The following TESK2 variants were observed in gnomAD, a reference collection of about 807,000 sequenced individuals.
TESK2 encodes dual specificity testis-specific protein kinase 2.
A neutral mutation model predicts 57.1 loss-of-function variants in TESK2; 39 were observed. The ratio of observed to expected loss-of-function variants is 0.68; its 90% CI spans 0.53 to 0.89. The LOEUF is 0.89. Among genes scored for constraint, TESK2 ranks in the 40% least tolerant of loss-of-function variants. The probability of loss-of-function intolerance (pLI) is 0.00; values close to 1 mark genes in which losing one functional copy is unlikely to be tolerated. For missense variants in TESK2, 646 were observed against 732.1 expected (o/e 0.88, Z 1.36); for synonymous variants, 249 against 267.9 (o/e 0.93, Z 0.69).
At chr1:45,471,732 G>A (rs1315483930) in intron 1 of TESK2, among the ~76,000 whole-genome samples, 4 of 151,818 alleles carry the variant, frequency 2.6e-5, no homozygotes, top group Non-Finnish European at 5.9e-5. Context: ...ACAGATAAGA[G>A]GGAAGGCTTA....
At chr1:45,445,539 C>A (rs1337982292) in intron 2 of TESK2, among the ~76,000 whole-genome samples, 2 of 149,800 alleles carry the variant, frequency 1.3e-5, no homozygotes. Flanking sequence ...GTAATCCCAA[C>A]ACTTTGGGAG....
intron 4 of TESK2, among the ~76,000 whole-genome samples, chr1:45,370,286 T>A (rs1172660155): frequency 3.3e-5 from 5 of 152,240 alleles, no homozygotes; most frequent in Non-Finnish European, 1.5e-5. Flanking sequence ...CTTTATTTAT[T>A]TATTTTTAAA....
At chr1:45,446,305 A>C (rs1396514061) in intron 2 of TESK2, among the ~76,000 whole-genome samples, 2 of 151,828 alleles carry the variant, frequency 1.3e-5, no homozygotes, top group African/African-American at 4.8e-5. Context: ...CAAAAAAGTC[A>C]AAAAAATTAG....
chr1:45,447,301 T>A (rs908109862), intron 2 of TESK2, among the ~76,000 whole-genome samples: 8 of 152,110 alleles, frequency 5.3e-5, no homozygotes, highest in African/African-American at 1.9e-4. Context: ...TTTACCAAGC[T>A]GTACAAAAAT....
intron 4 of TESK2, among the ~76,000 whole-genome samples, chr1:45,370,345 T>G (rs1432790908): frequency 1.3e-5 from 2 of 152,220 alleles, no homozygotes; most frequent in Non-Finnish European, 2.9e-5. Context: ...AGGAAATCAC[T>G]GAAGGTTTCT....
At chr1:45,453,654 A>G (rs1219104654) in intron 2 of TESK2, among the ~76,000 whole-genome samples, 1 of 152,226 alleles carries the variant, frequency 6.6e-6, no homozygotes, top group Non-Finnish European at 1.5e-5. Flanking sequence ...GGATTGACAC[A>G]AAAAGCAAAA....
chr1:45,393,980 T>A (rs992509053), intron 3 of TESK2, among the ~76,000 whole-genome samples: 1 of 152,166 alleles, frequency 6.6e-6, no homozygotes, highest in Admixed American at 6.6e-5. Flanking sequence ...TTCTGAATGA[T>A]TTTTATTCCC....
In TESK2 at chr1:45,355,453, C is replaced by T; in HGVS notation, c.394-4G>A. 1 of 1,596,618 alleles carries T rather than the reference C, an allele frequency of 6.3e-7. No individual in the cohort carries two copies. Among genetic ancestry groups the T allele is most frequent in the East Asian group, 2.3e-5 (1 of 44,214 alleles). On this transcript the variant is annotated splice_region_variant and splice_polypyrimidine_tract_variant and intron_variant, in intron 4 of 10. Transcript: ENST00000372086. ...CCAGGTTCCCGGAGTTGATATACTG[C>T]AAAACAGAAGGAAAACCCAGCTACC...
chr1:45,380,936 G>A (rs889464336), intron 4 of TESK2, among the ~76,000 whole-genome samples: 2 of 152,170 alleles, frequency 1.3e-5, no homozygotes, highest in Non-Finnish European at 2.9e-5. Flanking sequence ...GCACCGTGGG[G>A]AATATAAAAA....
At chr1:45,391,737 A>C (rs1273420136) in intron 3 of TESK2, among the ~76,000 whole-genome samples, 1 of 152,114 alleles carries the variant, frequency 6.6e-6, no homozygotes, top group Non-Finnish European at 1.5e-5. Context: ...CCTTAGCATT[A>C]ATCTCTTCTC....
chr1:45,346,617 C>T, intron 9 of TESK2, 76 bp downstream of exon 9: 1 of 1,267,838 alleles, frequency 7.9e-7, no homozygotes, highest in Non-Finnish European at 1.1e-6. Context: ...AATTAGCAGC[C>T]TCTCTGTACA....
intron 1 of TESK2, among the ~76,000 whole-genome samples, chr1:45,458,696 AACATT>A (rs1035150705): frequency 6.6e-5 from 10 of 151,970 alleles, no homozygotes; most frequent in African/African-American, 2.4e-4. Flanking sequence ...ATATAAAACA[AACATT>A]ACAAGGAGAC....
At chr1:45,346,869 C>T in intron 8 of TESK2, 90 bp from the exon 9 acceptor site, 17 of 1,530,434 alleles carry the variant, frequency 1.1e-5, no homozygotes, top group Non-Finnish European at 1.5e-5. Flanking sequence ...GGGAGCTGCC[C>T]CTGACAACCA....
At chr1:45,428,122 C>T (rs1397586661) in intron 2 of TESK2, among the ~76,000 whole-genome samples, 1 of 152,142 alleles carries the variant, frequency 6.6e-6, no homozygotes, top group African/African-American at 2.4e-5. Context: ...ACATTTACAG[C>T]ATTTGCTACA....
chr1:45,374,394 G>T (rs1165247268), intron 4 of TESK2, among the ~76,000 whole-genome samples: 1 of 152,100 alleles, frequency 6.6e-6, no homozygotes, highest in Non-Finnish European at 1.5e-5. Flanking sequence ...TCCTAGCTCA[G>T]CTACAAGACC....
intron 2 of TESK2, among the ~76,000 whole-genome samples, chr1:45,431,058 C>T (rs1206016983): frequency 6.6e-6 from 1 of 152,098 alleles, no homozygotes; most frequent in Non-Finnish European, 1.5e-5. Context: ...TTTTTTGTGA[C>T]TGAAAGAAAC....
At chr1:45,370,817 G>T (rs1648146958) in intron 4 of TESK2, among the ~76,000 whole-genome samples, 1 of 152,174 alleles carries the variant, frequency 6.6e-6, no homozygotes, top group African/African-American at 2.4e-5. Context: ...AGGCCATAGA[G>T]ATAAGCAGTA....
At chr1:45,371,468 C>T (rs943550273) in intron 4 of TESK2, among the ~76,000 whole-genome samples, 2 of 152,158 alleles carry the variant, frequency 1.3e-5, no homozygotes, top group Admixed American at 6.5e-5. Context: ...CATGGATGAA[C>T]CTTGTGGATA....
intron 2 of TESK2, among the ~76,000 whole-genome samples, chr1:45,450,026 A>G (rs1651808058): frequency 6.6e-6 from 1 of 152,212 alleles, no homozygotes; most frequent in African/African-American, 2.4e-5. Flanking sequence ...TATGATAGAG[A>G]TATTTTCTTA....
Sources: allele counts gnomAD v4.1 joint callset (sites outside exome capture counted in the v4.1 genomes callset), GRCh38; gene constraint gnomAD v4.1.1; transcripts MANE v1.5; gene names NCBI Gene and HGNC (gene_info 2026-07-23, HGNC 2026-07-21).